Variants in CTNNA3 observed in about 807,000 individuals in gnomAD.
CTNNA3 encodes the protein catenin alpha 3, also known as catenin alpha-3.
CTNNA3 carries 76 observed loss-of-function variants against 95.7 expected under a neutral mutation model. That is an observed-to-expected ratio of 0.79 (90% CI 0.66 to 0.96). The LOEUF is 0.96. Ranked by LOEUF, CTNNA3 falls within the 40% of genes least tolerant of loss-of-function variation. The pLI is 0.00. For missense variants in CTNNA3, 1,191 were observed against 1,089.8 expected (o/e 1.09, Z -1.31); for synonymous variants, 431 against 374.4 (o/e 1.15, Z -1.74).
At chr10:67,691,200 G>A (rs933707970) in intron 1 of CTNNA3, among the ~76,000 whole-genome samples, 2 of 152,152 alleles carry the variant, frequency 1.3e-5, no homozygotes, top group African/African-American at 2.4e-5. Context: ...AGTGCTCAAT[G>A]GTGCCCAGGC....
At position 67,628,221 on chromosome 10, in the gene CTNNA3, C is replaced by T. The variant is rs566929676; in HGVS notation, c.99+19194G>A. On this transcript the variant is annotated intron_variant, in intron 2 of 17. Coordinates refer to ENST00000433211, the MANE Select transcript of CTNNA3 (RefSeq NM_013266.4). Reference sequence around the variant, plus strand: ...TATAGTATCAATAAGAAATAGTAAACGACTTTGGTTCACATTTTGAGTAAA... The same window carrying T: ...TATAGTATCAATAAGAAATAGTAAATGACTTTGGTTCACATTTTGAGTAAA... Among the ~76,000 whole-genome samples, 6 of 149,408 alleles carry T rather than the reference C, an allele frequency of 4.0e-5. No homozygotes were observed. In the East Asian group the frequency reaches 7.8e-4, roughly 19 times the overall value.
intron 11 of CTNNA3, among the ~76,000 whole-genome samples, chr10:66,484,829 C>G (rs748068029): frequency 6.6e-6 from 1 of 151,988 alleles, no homozygotes; most frequent in Non-Finnish European, 1.5e-5. Flanking sequence ...TAAAAATCCT[C>G]AACAAAATAC....
At chr10:66,880,095 C>T (rs2132464731) in intron 7 of CTNNA3, among the ~76,000 whole-genome samples, 2 of 152,106 alleles carry the variant, frequency 1.3e-5, no homozygotes, top group Middle Eastern at 6.8e-3. Flanking sequence ...AGTATGGAGA[C>T]AACTGCAGGT....
intron 13 of CTNNA3, among the ~76,000 whole-genome samples, chr10:66,175,414 C>T (rs781250715): frequency 5.9e-5 from 9 of 152,108 alleles, no homozygotes; most frequent in Non-Finnish European, 7.4e-5. Flanking sequence ...AAAATAGAGT[C>T]GAGTCAACAC....
At chr10:66,123,641 T>C (rs1388224585) in intron 13 of CTNNA3, among the ~76,000 whole-genome samples, 1 of 152,202 alleles carries the variant, frequency 6.6e-6, no homozygotes, top group South Asian at 2.1e-4. Flanking sequence ...ATCCCCACCC[T>C]GCAATAAATT....
chr10:67,363,823 C>T (rs1843093739), intron 5 of CTNNA3, among the ~76,000 whole-genome samples: 2 of 152,106 alleles, frequency 1.3e-5, no homozygotes, highest in Admixed American at 6.6e-5. Context: ...GAAATTGAGG[C>T]AATAATTAAT....
chr10:67,141,849 G>T (rs973656554), intron 7 of CTNNA3, among the ~76,000 whole-genome samples: 1 of 151,772 alleles, frequency 6.6e-6, no homozygotes, highest in African/African-American at 2.4e-5. Context: ...TATATCCAGG[G>T]TGTTTTTTTT....
chr10:66,604,149 A>G (rs144202087), intron 10 of CTNNA3, among the ~76,000 whole-genome samples: 1 of 152,316 alleles, frequency 6.6e-6, no homozygotes, highest in Non-Finnish European at 1.5e-5. Flanking sequence ...GCGACAACCT[A>G]CAGAATGGCA....
intron 13 of CTNNA3, among the ~76,000 whole-genome samples, chr10:66,128,107 T>G (rs774701713): frequency 2.0e-5 from 3 of 152,136 alleles, no homozygotes; most frequent in African/African-American, 4.8e-5. Context: ...AACTGTTTTA[T>G]AAGATAAAGT....
At chr10:66,795,260 A>C (rs1358908822) in intron 7 of CTNNA3, among the ~76,000 whole-genome samples, 4 of 152,158 alleles carry the variant, frequency 2.6e-5, no homozygotes, top group Non-Finnish European at 4.4e-5. Context: ...AAATAGTAAG[A>C]CTTGAAATTC....
chr10:66,690,517 T>A, intron 9 of CTNNA3, among the ~76,000 whole-genome samples: 1 of 142,916 alleles, frequency 7.0e-6, no homozygotes, highest in East Asian at 2.2e-4. Context: ...GATGTTCCCC[T>A]TCCTGTGTCC....
chr10:66,331,358 T>G (rs1430289962), intron 12 of CTNNA3, among the ~76,000 whole-genome samples: 1 of 128,660 alleles, frequency 7.8e-6, no homozygotes, highest in Non-Finnish European at 1.6e-5. Flanking sequence ...TTTTTTTTTT[T>G]TTTTTTTTTT....
chr10:66,916,402 A>G (rs138831141), intron 7 of CTNNA3, among the ~76,000 whole-genome samples: 177 of 152,370 alleles, frequency 1.2e-3, no homozygotes, highest in African/African-American at 4.1e-3. Context: ...TAGCTAAAAT[A>G]AAATGATTGC....
chr10:65,964,196 A>C (rs1351757168), intron 17 of CTNNA3, among the ~76,000 whole-genome samples: 2 of 152,220 alleles, frequency 1.3e-5, no homozygotes, highest in Non-Finnish European at 2.9e-5. Flanking sequence ...GAACAAGACA[A>C]GAACTCAGGG....
At chr10:67,373,189 A>G (rs1421053301) in intron 5 of CTNNA3, among the ~76,000 whole-genome samples, 1 of 152,220 alleles carries the variant, frequency 6.6e-6, no homozygotes, top group Non-Finnish European at 1.5e-5. Context: ...CAAATTGGAT[A>G]AAGAGTCAAG....
At chr10:66,749,551 T>G (rs1047093469) in intron 9 of CTNNA3, among the ~76,000 whole-genome samples, 1 of 152,214 alleles carries the variant, frequency 6.6e-6, no homozygotes, top group Admixed American at 6.5e-5. Flanking sequence ...AGCTCATTTT[T>G]TTGTGTTGAG....
intron 10 of CTNNA3, among the ~76,000 whole-genome samples, chr10:66,575,505 G>A (rs1035083000): frequency 3.3e-5 from 5 of 152,090 alleles, no homozygotes; most frequent in African/African-American, 9.7e-5. Flanking sequence ...CCCTCACCAT[G>A]TATCTGGATC....
intron 15 of CTNNA3, among the ~76,000 whole-genome samples, chr10:66,056,639 A>C (rs1442945518): frequency 7.2e-5 from 11 of 152,168 alleles, no homozygotes; most frequent in Non-Finnish European, 1.5e-4. Context: ...GGTAGAACCC[A>C]ACAGTGAAGC....
intron 11 of CTNNA3, among the ~76,000 whole-genome samples, chr10:66,508,188 T>TG (rs574205913): frequency 0.11 from 16,337 of 144,208 alleles, 1,212 homozygotes; most frequent in Non-Finnish European, 0.16. Context: ...TTGTTTTTTT[T>TG]TTTTGTTTTG....
Sources: allele counts gnomAD v4.1 joint callset (sites outside exome capture counted in the v4.1 genomes callset), GRCh38; gene constraint gnomAD v4.1.1; transcripts MANE v1.5; gene names NCBI Gene and HGNC (gene_info 2026-07-23, HGNC 2026-07-21).